The following LRRC49 variants were observed in gnomAD, a reference collection of about 807,000 sequenced individuals.
LRRC49 encodes the protein leucine-rich repeat-containing protein 49.
LRRC49 carries 50 observed loss-of-function variants against 83.3 expected under a neutral mutation model. The ratio of observed to expected loss-of-function variants is 0.60; its 90% CI spans 0.48 to 0.76. LRRC49 has a LOEUF of 0.76. Ranked by LOEUF, LRRC49 falls within the 30% of genes least tolerant of loss-of-function variation. LRRC49 has a pLI of 0.00. For missense variants in LRRC49, 704 were observed against 809.1 expected (o/e 0.87, Z 1.58); for synonymous variants, 286 against 283.3 (o/e 1.01, Z -0.10).
At chr15:70,963,961 G>A in intron 9 of LRRC49, 29 bp downstream of exon 9, 2 of 1,601,388 alleles carry the variant, frequency 1.2e-6, no homozygotes, top group Non-Finnish European at 1.7e-6. Flanking sequence ...TGTTCACCAT[G>A]TTGTTGTCCT....
At chr15:70,969,906 A>T (rs1207637411) in intron 9 of LRRC49, among the ~76,000 whole-genome samples, 1 of 152,190 alleles carries the variant, frequency 6.6e-6, no homozygotes. Context: ...CTAAATATAC[A>T]ATCATATCAT....
At chr15:70,946,853 C>T (rs2036026007) in intron 8 of LRRC49, among the ~76,000 whole-genome samples, 3 of 151,908 alleles carry the variant, frequency 2.0e-5, no homozygotes, top group South Asian at 4.1e-4. Flanking sequence ...TTTTCATCTA[C>T]ATTTTGGCCA....
chr15:70,981,288 G>A (rs2037387266), intron 10 of LRRC49, among the ~76,000 whole-genome samples: 1 of 145,426 alleles, frequency 6.9e-6, no homozygotes, highest in Non-Finnish European at 1.5e-5. Flanking sequence ...AGTGGGAGTT[G>A]AACAATGAGA....
rs544322469 is a variant in LRRC49 at position 70,939,562 on chromosome 15, T to A, written c.773+2740T>A. The stretch of plus-strand genomic sequence containing the variant: ...CCATAATTTCTAGAGAAACTAAAAC[T>A]TTTATTTATGCAGTGGGGTATATCA... On this transcript the variant is annotated intron_variant, in intron 8 of 15. Coordinates refer to ENST00000260382, the MANE Select transcript of LRRC49 (RefSeq NM_017691.5). Among the ~76,000 whole-genome samples, 56 of 152,258 alleles carry A rather than the reference T, an allele frequency of 3.7e-4. 1 individual carries two copies. Among genetic ancestry groups the A allele is most frequent in the Middle Eastern group, 3.4e-3 (1 of 294 alleles).
chr15:71,043,777 A>G (rs2039766379), intron 15 of LRRC49, among the ~76,000 whole-genome samples: 1 of 152,210 alleles, frequency 6.6e-6, no homozygotes, highest in Non-Finnish European at 1.5e-5. Flanking sequence ...ATTTTAAAGC[A>G]CTGTAAATTA....
At chr15:70,889,374 A>G (rs2033494525), upstream of LRRC49, among the ~76,000 whole-genome samples, 1 of 152,128 alleles carries the variant, frequency 6.6e-6, no homozygotes, top group Non-Finnish European at 1.5e-5. Flanking sequence ...CCCCAAAAAA[A>G]AGCAAACTTG....
intron 8 of LRRC49, among the ~76,000 whole-genome samples, chr15:70,940,402 G>A (rs1241343071): frequency 3.3e-5 from 5 of 151,978 alleles, no homozygotes; most frequent in Admixed American, 6.6e-5. Flanking sequence ...GACTACAGGC[G>A]CCCGCCACCA....
intron 6 of LRRC49, among the ~76,000 whole-genome samples, chr15:70,913,345 G>T (rs1177717447): frequency 6.6e-6 from 1 of 152,168 alleles, no homozygotes; most frequent in Non-Finnish European, 1.5e-5. Context: ...ACATCTATTA[G>T]GTTCGAATCT....
rs1160235530 is a variant in LRRC49, at chr15:70,979,557, C to G, written c.922-544C>G. On this transcript the variant is annotated intron_variant, in intron 9 of 15. Transcript: ENST00000260382. The stretch of plus-strand genomic sequence containing the variant: ...ACGGTCATCATGCTATATTTCATAG[C>G]TTTTAGAATTTAAAAAATGAGACTG... Among the ~76,000 whole-genome samples, 7 of 151,758 alleles carry G rather than the reference C, an allele frequency of 4.6e-5. No individual in the cohort carries two copies. In the East Asian group the frequency reaches 1.4e-3, roughly 29 times the overall value.
At chr15:70,862,824 T>C (rs1005581087) in intron 1 of LRRC49, among the ~76,000 whole-genome samples, 2 of 152,096 alleles carry the variant, frequency 1.3e-5, no homozygotes, top group African/African-American at 4.8e-5. Context: ...CCAGCACAAT[T>C]CAACCCCAGC....
chr15:70,922,569 G>A (rs2141137295), intron 7 of LRRC49, among the ~76,000 whole-genome samples: 1 of 151,754 alleles, frequency 6.6e-6, no homozygotes, highest in African/African-American at 2.4e-5. Context: ...ATGGTTAATG[G>A]GTACAAAAAA....
At chr15:70,894,522 T>C (rs1381640499) in intron 2 of LRRC49, 6 of 710,868 alleles carry the variant, frequency 8.4e-6, no homozygotes, top group Middle Eastern at 2.9e-4. Flanking sequence ...GATTTAATTT[T>C]TGAGATTTTG....
chr15:70,931,828 A>C (rs942907930), intron 7 of LRRC49, among the ~76,000 whole-genome samples: 1 of 152,166 alleles, frequency 6.6e-6, no homozygotes, highest in South Asian at 2.1e-4. Flanking sequence ...CCTTCTAGAC[A>C]GTTTTGCCAG....
chr15:70,900,329 T>C (rs560423591), intron 3 of LRRC49: 2 of 381,942 alleles, frequency 5.2e-6, no homozygotes, highest in East Asian at 1.4e-4. Context: ...CACTTTGGTA[T>C]CTTGGCAATA....
chr15:70,856,234 T>A (rs898251531), intron 1 of LRRC49, among the ~76,000 whole-genome samples: 26 of 152,240 alleles, frequency 1.7e-4, no homozygotes, highest in Admixed American at 4.6e-4. Context: ...AGCGTTTTAC[T>A]TGGTGAGAGT....
chr15:70,986,397 T>C (rs1463322379), intron 11 of LRRC49, among the ~76,000 whole-genome samples: 1 of 150,494 alleles, frequency 6.6e-6, no homozygotes, highest in Non-Finnish European at 1.5e-5. Context: ...TTTGAAGCAA[T>C]TGTGAATGGG....
At chr15:70,904,966 A>G (rs1262655046) in intron 5 of LRRC49, among the ~76,000 whole-genome samples, 2 of 152,192 alleles carry the variant, frequency 1.3e-5, no homozygotes. Context: ...TTTATTATGT[A>G]TTTTACTTCC....
rs1596189783 is a variant in LRRC49, at chr15:71,052,108, G to C, written c.*2496G>C. On this transcript the variant is annotated 3_prime_UTR_variant, in exon 16 of 16. Transcript: ENST00000260382. ...AAAGACAAGGAGACCTGGGTCTGCTGGGTTAGGGATCAAGTGAGGGTCCTA... is the reference window on the plus strand; with the variant it reads ...AAAGACAAGGAGACCTGGGTCTGCTCGGTTAGGGATCAAGTGAGGGTCCTA... 1 of 152,160 alleles carries C rather than the reference G, an allele frequency of 6.6e-6. No homozygotes were observed. The highest frequency in any genetic ancestry group is 1.5e-5 in the Non-Finnish European group (1 of 68,060). The allele number at this position is 152,160 out of a possible 1,614,324, so 9.4% of individuals were successfully genotyped here.
chr15:70,892,551 G>A (rs115422920), upstream of LRRC49: 1,385 of 1,503,196 alleles, frequency 9.2e-4, 17 homozygotes, highest in African/African-American at 0.017. Context: ...GCGCTGAGGT[G>A]GGCCGTAAAG....
Sources: allele counts gnomAD v4.1 joint callset (sites outside exome capture counted in the v4.1 genomes callset), GRCh38; gene constraint gnomAD v4.1.1; transcripts MANE v1.5; gene names NCBI Gene and HGNC (gene_info 2026-07-23, HGNC 2026-07-21).